FOXO3: variants seen among roughly 807,000 people sequenced by gnomAD.
FOXO3 encodes the protein forkhead box O3.
A neutral mutation model predicts 41.9 loss-of-function variants in FOXO3; 4 were observed. The observed-to-expected ratio is 0.10, with a 90% CI of 0.05 to 0.22. The LOEUF is 0.22. Ranked by LOEUF, FOXO3 falls within the 10% of genes least tolerant of loss-of-function variation. The probability of loss-of-function intolerance (pLI) is 1.00; values close to 1 mark genes in which losing one functional copy is unlikely to be tolerated. For missense variants in FOXO3, 534 were observed against 906.8 expected, an observed-to-expected ratio of 0.59 and a Z score of 5.28; for synonymous variants, 318 against 389.3, an observed-to-expected ratio of 0.82 and a Z score of 2.16.
intron 1 of FOXO3, among the ~76,000 whole-genome samples, chr6:108,569,356 A>G (rs1207126645): frequency 6.6e-6 from 1 of 152,232 alleles, no homozygotes; most frequent in Non-Finnish European, 1.5e-5. Flanking sequence ...TGACCAAACA[A>G]CGTTCATTTC....
Position 108,664,994 on chromosome 6 carries a change from A to G in FOXO3, c.*34+105A>G, listed in dbSNP as rs1329858261. 3.2e-6 allele frequency: 4 copies of G among 1,230,884 alleles called. No individual in the cohort carries two copies. The Admixed American group carries it at 8.3e-5, about 26-fold the overall frequency. 76.2% of individuals were successfully genotyped at this position (1,230,884 alleles called of 1,614,324 possible). ...CTTTGAACTTTATTCCACACTGAAAACCATGGAGCAGTGGTGCACATAATA... is the reference window on the plus strand; with the variant it reads ...CTTTGAACTTTATTCCACACTGAAAGCCATGGAGCAGTGGTGCACATAATA... On this transcript the variant is annotated intron_variant, in intron 2 of 2. Coordinates refer to ENST00000406360, the MANE Select transcript of FOXO3 (RefSeq NM_001455.4).
chr6:108,647,860 T>C (rs1457377396), intron 1 of FOXO3, among the ~76,000 whole-genome samples: 1 of 152,234 alleles, frequency 6.6e-6, no homozygotes, highest in East Asian at 1.9e-4. Context: ...ACTCTTTTTT[T>C]GGAAACTTGG....
At chr6:108,560,487 C>G (rs1298263603), upstream of FOXO3, among the ~76,000 whole-genome samples, 1 of 152,204 alleles carries the variant, frequency 6.6e-6, no homozygotes, top group Non-Finnish European at 1.5e-5. Flanking sequence ...CCCAGACCCC[C>G]GTTCGCCCTC....
chr6:108,617,995 C>T, intron 1 of FOXO3: 1 of 607,708 alleles, frequency 1.6e-6, no homozygotes, highest in South Asian at 1.6e-5. Context: ...AAGCAGGTTC[C>T]CTTCTCAGTA....
chr6:108,581,707 G>A (rs1254665165), intron 1 of FOXO3, among the ~76,000 whole-genome samples: 1 of 152,130 alleles, frequency 6.6e-6, no homozygotes, highest in Non-Finnish European at 1.5e-5. Context: ...GCCTTCCAAA[G>A]AGTTCAGCAT....
At chr6:108,655,844 G>C (rs1303314296) in intron 1 of FOXO3, among the ~76,000 whole-genome samples, 1 of 152,194 alleles carries the variant, frequency 6.6e-6, no homozygotes, top group Non-Finnish European at 1.5e-5. Flanking sequence ...GTCATCTGTG[G>C]TTCAGCAGAC....
chr6:108,584,604 G>A (rs1261976859), intron 1 of FOXO3, among the ~76,000 whole-genome samples: 1 of 152,208 alleles, frequency 6.6e-6, no homozygotes, highest in Non-Finnish European at 1.5e-5. Context: ...AGTGTTGGGT[G>A]AATTAACGAG....
chr6:108,561,646 G>A lies in FOXO3; in HGVS notation c.438G>A (p.Gln146=). The A allele has an allele frequency of 6.3e-7, 1 of 1,586,678 alleles. No homozygotes were observed. Among genetic ancestry groups the A allele is most frequent in the African/African-American group, 1.3e-5 (1 of 74,120 alleles). The change falls in exon 1 of 3, where the codon CAG becomes CAA. Residue 146 remains glutamine, a synonymous_variant. Transcript: ENST00000406360. ...CGGGGGCGGCTGGGGGCTCCGGGCAGCCGAGGAAATGTTCGTCGCGGCGGA... is the reference window on the plus strand; with the variant it reads ...CGGGGGCGGCTGGGGGCTCCGGGCAACCGAGGAAATGTTCGTCGCGGCGGA... ...PQPGAAGGSG[Q]PRKCSSRRNA...
chr6:108,659,041 C>G (rs549482552), intron 1 of FOXO3, among the ~76,000 whole-genome samples: 3 of 152,030 alleles, frequency 2.0e-5, no homozygotes, highest in Non-Finnish European at 1.5e-5. Context: ...CATGCCACCA[C>G]ACCTAGCTAA....
rs1408765087 is a variant in FOXO3 at position 108,561,657 on chromosome 6, G to T, written c.449G>T (p.Cys150Phe). ...AAGGSGQPRKCSSRRNAWGNL... is the reference protein window; with the variant it reads ...AAGGSGQPRKFSSRRNAWGNL... The stretch of plus-strand genomic sequence containing the variant: ...GGGGGCTCCGGGCAGCCGAGGAAAT[G>T]TTCGTCGCGGCGGAACGCCTGGGGA... The change falls in exon 1 of 3, where the codon TGT becomes TTT. Residue 150 changes from cysteine (C) to phenylalanine (F), a missense_variant. Physicochemically the swap from Cys to Phe is radical, Grantham distance 205. Transcript: ENST00000406360. The T allele has an allele frequency of 6.3e-7, 1 of 1,598,348 alleles. No homozygotes were observed. Among genetic ancestry groups the T allele is most frequent in the South Asian group, 1.1e-5 (1 of 89,586 alleles).
At chr6:108,676,452 G>GGGT (rs1304380995) in intron 2 of FOXO3, among the ~76,000 whole-genome samples, 1 of 152,226 alleles carries the variant, frequency 6.6e-6, no homozygotes, top group East Asian at 1.9e-4. Flanking sequence ...ATGTTGCCCA[G>GGGT]GGTGGTCTCC....
chr6:108,642,407 A>G (rs148174905), intron 1 of FOXO3, among the ~76,000 whole-genome samples: 169 of 152,226 alleles, frequency 1.1e-3, no homozygotes, highest in Non-Finnish European at 1.4e-3. Flanking sequence ...TATAAGAAGT[A>G]TACTTAAGAG....
chr6:108,573,433 G>C (rs1477708868), intron 1 of FOXO3, among the ~76,000 whole-genome samples: 2 of 152,178 alleles, frequency 1.3e-5, no homozygotes, highest in Non-Finnish European at 2.9e-5. Context: ...CTTCAGAGTT[G>C]TGCTGACTCT....
intron 1 of FOXO3, among the ~76,000 whole-genome samples, chr6:108,605,637 T>C (rs1233529711): frequency 6.6e-6 from 1 of 152,232 alleles, no homozygotes; most frequent in Non-Finnish European, 1.5e-5. Context: ...CAGGTCTGAT[T>C]TCAGAAATGG....
intron 1 of FOXO3, among the ~76,000 whole-genome samples, chr6:108,614,871 GTGGTTTTGTT>G (rs1444874144): frequency 1.3e-5 from 2 of 151,678 alleles, no homozygotes; most frequent in Non-Finnish European, 2.9e-5. Flanking sequence ...CTTGAGTTAG[GTGGTTTTGTT>G]TGGTTTTAAT....
intron 1 of FOXO3, among the ~76,000 whole-genome samples, chr6:108,565,810 T>A (rs1430523080): frequency 1.3e-5 from 2 of 152,236 alleles, no homozygotes; most frequent in African/African-American, 4.8e-5. Flanking sequence ...TACATCCAGT[T>A]CCTTTTCAAC....
chr6:108,561,643 G>C lies in FOXO3; in HGVS notation c.435G>C (p.Gly145=). ...PPQPGAAGGS[G]QPRKCSSRRN... ...AGCCGGGGGCGGCTGGGGGCTCCGG[G>C]CAGCCGAGGAAATGTTCGTCGCGGC... Residue 145 remains glycine, a synonymous_variant, in exon 1 of 3, where the codon GGG becomes GGC. Transcript: ENST00000406360. 6.3e-7 allele frequency: 1 copy of C among 1,580,140 alleles called. No homozygotes were observed.
intron 1 of FOXO3, among the ~76,000 whole-genome samples, chr6:108,633,236 A>T (rs1260094959): frequency 6.6e-6 from 1 of 152,186 alleles, no homozygotes; most frequent in Non-Finnish European, 1.5e-5. Flanking sequence ...AGAAGTAAAC[A>T]ATGTGATCAC....
intron 2 of FOXO3, among the ~76,000 whole-genome samples, chr6:108,666,787 T>G (rs537333342): frequency 6.6e-6 from 1 of 152,028 alleles, no homozygotes; most frequent in African/African-American, 2.4e-5. Flanking sequence ...CCCTAAAAAC[T>G]CTCCTCCTCA....
Sources: gnomAD v4.1 joint callset for allele counts (sites outside exome capture counted in the v4.1 genomes callset) on GRCh38, gnomAD v4.1.1 for gene constraint, MANE v1.5 for transcripts, NCBI Gene and HGNC (gene_info 2026-07-23, HGNC 2026-07-21) for gene names.